The following LRP8 variants were observed in gnomAD, a reference collection of about 807,000 sequenced individuals.
LRP8 encodes the protein low-density lipoprotein receptor-related protein 8.
LRP8 carries 46 observed loss-of-function variants against 111.6 expected under a neutral mutation model. The observed-to-expected ratio is 0.41, with a 90% CI of 0.33 to 0.53. LRP8 has a LOEUF of 0.53. LRP8 is among the 20% of genes least tolerant of loss of function. The pLI is 0.20. For synonymous variants in LRP8, 464 were observed against 511.2 expected (o/e 0.91, Z 1.24); for missense variants, 959 against 1,297.4 (o/e 0.74, Z 4.01).
rs1422118672 is a variant in LRP8 at position 53,311,584 on chromosome 1, A to G, written c.244+15289T>C. On this transcript the variant is annotated intron_variant, in intron 2 of 18. Transcript: ENST00000306052. Reference sequence around the variant, plus strand: ...CAGAGGAAGGAGCGATACTGCGTGGACCCTCCCTGCCCCCAGCCTCCCCAG... The same window carrying G: ...CAGAGGAAGGAGCGATACTGCGTGGGCCCTCCCTGCCCCCAGCCTCCCCAG... Among the ~76,000 whole-genome samples, 5 of 150,514 alleles carry G rather than the reference A, an allele frequency of 3.3e-5. No individual in the cohort carries two copies. The East Asian group carries it at 9.9e-4, about 30-fold the overall frequency.
intron 13 of LRP8, 116 bp from the exon 14 acceptor site, chr1:53,258,587 T>C (rs558192864): frequency 1.4e-5 from 12 of 880,944 alleles, no homozygotes; most frequent in African/African-American, 1.2e-4. Context: ...CTATACTTTT[T>C]TTTTCACATT....
At position 53,243,006 on chromosome 1, in the gene LRP8, T is replaced by C. The variant is rs1645669555; in HGVS notation, c.*4012A>G. On this transcript the variant is annotated 3_prime_UTR_variant, in exon 19 of 19. Coordinates refer to ENST00000306052, the MANE Select transcript of LRP8 (RefSeq NM_004631.5). ...TCCTGATTTTTTTTTAACTGAAAAA[T>C]TGAAGCAGTAATTCTTTAACCTTCT... 1 of 152,098 alleles carries C rather than the reference T, an allele frequency of 6.6e-6. No homozygotes were observed. The highest frequency in any genetic ancestry group is 1.5e-5 in the Non-Finnish European group (1 of 68,016). The allele number at this position is 152,098 out of a possible 1,614,324, so 9.4% of individuals were successfully genotyped here.
chr1:53,276,849 G>T lies in LRP8; in HGVS notation c.726C>A (p.Ala242=), dbSNP rs1646937868. The T allele has an allele frequency of 1.1e-5, 14 of 1,321,470 alleles. No individual in the cohort carries two copies. The highest frequency in any genetic ancestry group is 1.4e-5 in the Non-Finnish European group (14 of 1,035,608). 81.9% of individuals were successfully genotyped at this position (1,321,470 alleles called of 1,614,324 possible). Residue 242 remains alanine (A), a synonymous_variant, in exon 5 of 19, where the codon GCC becomes GCA. Transcript: ENST00000306052. The stretch of plus-strand genomic sequence containing the variant: ...CGGGGCCCGGACGGCCGCAGAGCTC[G>T]GCTGCCTCGTCCGAGCGGTCCTCGC... ...FDCEDRSDEA[A]ELCGRPGPGA... is the part of the protein sequence containing the mutation.
At chr1:53,290,106 G>A (rs1017784541) in intron 2 of LRP8, among the ~76,000 whole-genome samples, 14 of 129,418 alleles carry the variant, frequency 1.1e-4, no homozygotes, top group East Asian at 3.1e-4. Flanking sequence ...TTCTGCAGGC[G>A]CCAGGGGAGT....
rs1226114113 is a variant in LRP8 at position 53,276,683 on chromosome 1, G to A, written c.883+9C>T. 2 of 1,536,310 alleles carry A rather than the reference G, an allele frequency of 1.3e-6. No individual in the cohort carries two copies. Among genetic ancestry groups the A allele is most frequent in the Non-Finnish European group, 1.7e-6 (2 of 1,145,266 alleles). On this transcript the variant is annotated intron_variant, in intron 5 of 18. Coordinates refer to ENST00000306052, the MANE Select transcript of LRP8 (RefSeq NM_004631.5). ...CTGGGCGGGGCTGGGCGGTATGGAG[G>A]GGGCTTACGGCAGTCGGCCTCGTCC...
intron 1 of LRP8, 165 bp from the exon 2 acceptor site, chr1:53,327,157 G>T (rs1320754648): frequency 2.1e-6 from 2 of 938,274 alleles, no homozygotes; most frequent in Admixed American, 2.9e-5. Flanking sequence ...CACGATGGCA[G>T]GGGTTCCGTG....
intron 18 of LRP8, among the ~76,000 whole-genome samples, chr1:53,247,403 G>A (rs368444611): frequency 6.6e-6 from 1 of 152,176 alleles, no homozygotes; most frequent in East Asian, 1.9e-4. Context: ...AGGATTTTAG[G>A]TTTGGTCAAT....
Position 53,289,556 on chromosome 1 carries a change from G to T in LRP8, c.367+11C>A. On this transcript the variant is annotated intron_variant, in intron 3 of 18. Coordinates refer to ENST00000306052, the MANE Select transcript of LRP8 (RefSeq NM_004631.5). ...GGCCCACCCCCACCCAGACTGAGGG[G>T]CAGGACTCACTGCAAGTGGCCTCGG... The T allele has an allele frequency of 6.3e-7, 1 of 1,593,572 alleles. No homozygotes were observed.
intron 2 of LRP8, among the ~76,000 whole-genome samples, chr1:53,302,383 C>T (rs1361131609): frequency 1.3e-5 from 2 of 152,132 alleles, no homozygotes; most frequent in East Asian, 3.9e-4. Flanking sequence ...CAGCCTCGGG[C>T]TCACGTTAGA....
At chr1:53,289,338 G>C in intron 3 of LRP8, 1 of 452,402 alleles carries the variant, frequency 2.2e-6, no homozygotes, top group Non-Finnish European at 3.8e-6. Context: ...GCTGTTTCTA[G>C]CTCCTGCTGC....
chr1:53,296,472 G>T (rs1649740535), intron 2 of LRP8, among the ~76,000 whole-genome samples: 1 of 152,226 alleles, frequency 6.6e-6, no homozygotes, highest in Admixed American at 6.5e-5. Flanking sequence ...ACTTGTACCC[G>T]GGTCGGGGAG....
chr1:53,275,624 C>G lies in LRP8; in HGVS notation c.1006+7G>C. On this transcript the variant is annotated splice_region_variant and intron_variant, in intron 6 of 18. Transcript: ENST00000306052. The surrounding 1 kb of genome is among the most constrained non-coding windows in gnomAD (Gnocchi z 4.4). ...GAGGATGTGTTCTGTGCCCTGACCA[C>G]ACGCACCCTGTAGGCAGCCAGCTTC... The G allele has an allele frequency of 6.2e-7, 1 of 1,613,916 alleles. No individual in the cohort carries two copies. The highest frequency in any genetic ancestry group is 8.5e-7 in the Non-Finnish European group (1 of 1,179,890).
At position 53,280,643 on chromosome 1, in the gene LRP8, C is replaced by T. The variant is rs146690956; in HGVS notation, c.440G>A (p.Arg147His). ...TSHKCVPASW[R>H]CDGEKDCEGG... ...CTCGCAGTCCTTCTCCCCGTCGCAG[C>T]GCCACGAGGCAGGTACACACTTGTG... The change falls in exon 4 of 19, where the codon CGC becomes CAC. Residue 147 changes from arginine to histidine, a missense_variant. By Grantham distance (29) the Arg-to-His change is conservative (BLOSUM62 0). Transcript: ENST00000306052. The T allele has an allele frequency of 1.6e-5, 26 of 1,613,306 alleles. No individual in the cohort carries two copies. Among genetic ancestry groups the T allele is most frequent in the African/African-American group, 1.3e-4 (10 of 74,944 alleles).
chr1:53,317,524 C>G lies in LRP8; in HGVS notation c.244+9349G>C, dbSNP rs1383907261. ...CAAGTCCTCCCAACTGGCCAGTTGA[C>G]CTAAATCTCTCCTGCTGCTATTTTG... On this transcript the variant is annotated intron_variant, in intron 2 of 18. Transcript: ENST00000306052. The surrounding 1 kb of genome is among the most constrained non-coding windows in gnomAD (Gnocchi z 4.9). Among the ~76,000 whole-genome samples the G allele has an allele frequency of 1.3e-5, 2 of 152,206 alleles. No homozygotes were observed. The highest frequency in any genetic ancestry group is 2.9e-5 in the Non-Finnish European group (2 of 68,046).
Position 53,328,042 on chromosome 1 carries a change from C to A in LRP8, c.-130G>T. 2.5e-6 allele frequency: 1 copy of A among 399,536 alleles called. No homozygotes were observed. Among genetic ancestry groups the A allele is most frequent in the Non-Finnish European group, 3.4e-6 (1 of 295,910 alleles). The allele number at this position is 399,536 out of a possible 1,614,324, so 24.7% of individuals were successfully genotyped here. On this transcript the variant is annotated 5_prime_UTR_variant, in exon 1 of 19. Coordinates refer to ENST00000306052, the MANE Select transcript of LRP8 (RefSeq NM_004631.5). ...CCGCCGCCGCCGCCGCCGCCGCTGCCGCCCGCCCCGGCTCCTCGGCTGCAT... is the reference window on the plus strand; with the variant it reads ...CCGCCGCCGCCGCCGCCGCCGCTGCAGCCCGCCCCGGCTCCTCGGCTGCAT...
intron 13 of LRP8, 28 bp from the exon 14 acceptor site, chr1:53,258,499 G>A (rs1326108304): frequency 6.2e-7 from 1 of 1,610,922 alleles, no homozygotes. Context: ...GACAGCTGGG[G>A]CACAGACAGG....
In LRP8 at chr1:53,250,179, T is replaced by C. The variant is rs534988317; in HGVS notation, c.2676+511A>G. On this transcript the variant is annotated intron_variant, in intron 17 of 18. Coordinates refer to ENST00000306052, the MANE Select transcript of LRP8 (RefSeq NM_004631.5). The surrounding 1 kb of genome is among the most constrained non-coding windows in gnomAD (Gnocchi z 4.6). ...TTCTTGGGAGCAAGCATGTTCCTTA[T>C]TGACTTTTGAATACTTGATATCTAA... Among the ~76,000 whole-genome samples the C allele has an allele frequency of 2.0e-5, 3 of 152,346 alleles. No individual in the cohort carries two copies. Among genetic ancestry groups the C allele is most frequent in the Admixed American group, 6.5e-5 (1 of 15,308 alleles).
chr1:53,249,740 C>T lies in LRP8; in HGVS notation c.2677-184G>A, dbSNP rs367695685. ...GGAATGCCATTTCCCTCCTTCTCTC[C>T]CGGGAAAACTGCTATTAATCTTTCA... On this transcript the variant is annotated intron_variant, in intron 17 of 18. Coordinates refer to ENST00000306052, the MANE Select transcript of LRP8 (RefSeq NM_004631.5). The surrounding 1 kb of genome is among the most constrained non-coding windows in gnomAD (Gnocchi z 4.1). Among the ~76,000 whole-genome samples the T allele has an allele frequency of 3.9e-5, 6 of 152,358 alleles. 1 individual carries two copies. Among genetic ancestry groups the T allele is most frequent in the African/African-American group, 1.4e-4 (6 of 41,580 alleles).
rs887010819 is a variant in LRP8 at position 53,262,782 on chromosome 1, G to C, written c.1656-218C>G. Among the ~76,000 whole-genome samples, 1 of 152,176 alleles carries C rather than the reference G, an allele frequency of 6.6e-6. No homozygotes were observed. The highest frequency in any genetic ancestry group is 1.5e-5 in the Non-Finnish European group (1 of 68,024). On this transcript the variant is annotated intron_variant, in intron 10 of 18. Coordinates refer to ENST00000306052, the MANE Select transcript of LRP8 (RefSeq NM_004631.5). This position sits in a 1 kb window ranked among gnomAD's most constrained non-coding sequence, Gnocchi z 4.8. ...TTGAGGAAAACTATTCTCCGAGATT[G>C]CACCCAGACTCAGCTGAATAGCCTG... is the stretch of plus-strand genomic sequence containing the variant.
Sources: allele counts gnomAD v4.1 joint callset (sites outside exome capture counted in the v4.1 genomes callset), GRCh38; gene constraint gnomAD v4.1.1; non-coding constraint Gnocchi (gnomAD v3.1); transcripts MANE v1.5; gene names NCBI Gene and HGNC (gene_info 2026-07-23, HGNC 2026-07-21).